TRPM3: variants seen among roughly 807,000 people sequenced by gnomAD.
TRPM3 encodes the protein transient receptor potential cation channel subfamily M member 3, also known as long transient receptor potential channel 3.
Under a neutral mutation model 181.2 loss-of-function variants are expected in TRPM3, and 77 were observed. The ratio of observed to expected loss-of-function variants is 0.42; its 90% CI spans 0.35 to 0.51. The LOEUF (loss-of-function observed/expected upper bound fraction) is 0.51, where lower values mean the gene tolerates loss of function less well. Among genes scored for constraint, TRPM3 ranks in the 20% least tolerant of loss-of-function variants. The pLI is 0.01. For missense variants in TRPM3, 1,759 were observed against 2,196.7 expected (o/e 0.80, Z 3.98); for synonymous variants, 745 against 796.4 (o/e 0.94, Z 1.09).
chr9:71,325,650 G>A (rs985355532), intron 1 of TRPM3, among the ~76,000 whole-genome samples: 9 of 152,042 alleles, frequency 5.9e-5, no homozygotes, highest in Non-Finnish European at 8.8e-5. Flanking sequence ...AAGGAATGAA[G>A]GCAGTGATGC....
Position 70,603,389 on chromosome 9 carries a change from T to A in TRPM3, c.2749A>T (p.Ile917Phe). ...AGGGTGAAAATATAGGAGATTACGA[T>A]CCATTCCTGGGTGGACGGCCAGCGT... ...MERWPSTQEWIVISYIFTLGI... is the reference protein window; with the variant it reads ...MERWPSTQEWFVISYIFTLGI... Residue 917 changes from isoleucine (I) to phenylalanine (F), a missense_variant, in exon 20 of 26, where the codon ATC becomes TTC. Ile to Phe is a conservative substitution (Grantham distance 21, BLOSUM62 0). Around this residue, in one of 8 missense-constraint regions of TRPM3, gnomAD observed 100 missense variants for 123.0 expected, o/e 0.81. Coordinates refer to ENST00000677713, the MANE Select transcript of TRPM3 (RefSeq NM_001366145.2). 6.2e-7 allele frequency: 1 copy of A among 1,614,106 alleles called. No individual in the cohort carries two copies. The highest frequency in any genetic ancestry group is 1.1e-5 in the South Asian group (1 of 91,068).
At position 70,612,067 on chromosome 9, in the gene TRPM3, C is replaced by T. The variant is rs967710357; in HGVS notation, c.2527-1318G>A. Among the ~76,000 whole-genome samples, 3 of 152,252 alleles carry T rather than the reference C, an allele frequency of 2.0e-5. No homozygotes were observed. The East Asian group carries it at 5.8e-4, about 29-fold the overall frequency. On this transcript the variant is annotated intron_variant, in intron 18 of 25. Transcript: ENST00000677713. ...AAGTACTCACTATAGGGTTGGCCTA[C>T]AAGTCAGGTAGCATCTGGCACTTAG... is the stretch of plus-strand genomic sequence containing the variant.
intron 1 of TRPM3, among the ~76,000 whole-genome samples, chr9:71,357,259 T>G (rs781638594): frequency 6.6e-6 from 1 of 152,212 alleles, no homozygotes; most frequent in African/African-American, 2.4e-5. Context: ...GTGTTATTTC[T>G]AAAGAAGCAA....
intron 1 of TRPM3, among the ~76,000 whole-genome samples, chr9:71,385,264 T>C (rs1347611641): frequency 2.6e-5 from 4 of 152,152 alleles, no homozygotes; most frequent in Non-Finnish European, 5.9e-5. Context: ...ACTAATTATT[T>C]CTGAAAAATA....
Position 71,143,396 on chromosome 9 carries a change from G to A in TRPM3, c.184-278885C>T, listed in dbSNP as rs142883980. ...GTTGTTCCTCTCTACGTGTCCATGT[G>A]TTTTCATCATTTAGCTCCCACTTAC... is the stretch of plus-strand genomic sequence containing the variant. On this transcript the variant is annotated intron_variant, in intron 1 of 24. Transcript: ENST00000357533. 5.9e-5 allele frequency among the ~76,000 whole-genome samples: 9 copies of A among 152,154 alleles called. No homozygotes were observed. The East Asian group carries it at 9.7e-4, about 16-fold the overall frequency.
At chr9:71,062,924 C>T (rs2061488194) in intron 1 of TRPM3, among the ~76,000 whole-genome samples, 1 of 152,048 alleles carries the variant, frequency 6.6e-6, no homozygotes, top group Non-Finnish European at 1.5e-5. Context: ...TAAAGAAATA[C>T]ATTTCTTTTC....
intron 1 of TRPM3, among the ~76,000 whole-genome samples, chr9:71,331,825 G>GGAA (rs1255059296): frequency 0.096 from 111 of 1,158 alleles, 3 homozygotes; most frequent in African/African-American, 0.26. Flanking sequence ...GAGAGGAGAA[G>GGAA]GAAGAGGAGA....
At chr9:71,118,980 T>C (rs1012812064) in intron 1 of TRPM3, among the ~76,000 whole-genome samples, 2 of 152,116 alleles carry the variant, frequency 1.3e-5, no homozygotes, top group Non-Finnish European at 2.9e-5. Context: ...ACATAGGAAC[T>C]AGCAAAGCAA....
intron 3 of TRPM3, among the ~76,000 whole-genome samples, chr9:70,859,222 C>A (rs1030614632): frequency 6.6e-6 from 1 of 152,126 alleles, no homozygotes; most frequent in Non-Finnish European, 1.5e-5. Context: ...TATAGCTGAC[C>A]TTGTTTAACC....
At chr9:70,695,179 G>A (rs28534504) in intron 8 of TRPM3, among the ~76,000 whole-genome samples, 3 of 152,022 alleles carry the variant, frequency 2.0e-5, no homozygotes, top group East Asian at 1.9e-4. Flanking sequence ...TGTGTACGGA[G>A]CATGGACTTT....
At chr9:71,147,936 C>T (rs1369250175) in intron 1 of TRPM3, among the ~76,000 whole-genome samples, 1 of 152,096 alleles carries the variant, frequency 6.6e-6, no homozygotes, top group Non-Finnish European at 1.5e-5. Flanking sequence ...TCTCTACCTT[C>T]ACAAAAATAT....
At chr9:70,952,746 G>A (rs1564832445) in intron 1 of TRPM3, among the ~76,000 whole-genome samples, 2 of 152,100 alleles carry the variant, frequency 1.3e-5, no homozygotes, top group Non-Finnish European at 2.9e-5. Context: ...AAATCTTGTG[G>A]GGGATTGTTG....
chr9:70,658,279 A>T (rs1196112804), intron 9 of TRPM3, among the ~76,000 whole-genome samples: 1 of 152,144 alleles, frequency 6.6e-6, no homozygotes, highest in African/African-American at 2.4e-5. Context: ...TTTTACAATG[A>T]CCTGTGATAT....
chr9:71,259,770 T>G (rs1197728385), intron 1 of TRPM3, among the ~76,000 whole-genome samples: 1 of 152,116 alleles, frequency 6.6e-6, no homozygotes, highest in Non-Finnish European at 1.5e-5. Flanking sequence ...GTTTAAGTTC[T>G]TGTAGATTCT....
chr9:70,862,225 T>C (rs17556165), intron 3 of TRPM3, among the ~76,000 whole-genome samples: 32,950 of 152,080 alleles, frequency 0.22, 3,638 homozygotes, highest in South Asian at 0.27. Flanking sequence ...TCATAACACA[T>C]GCTAGACAAA....
intron 1 of TRPM3, among the ~76,000 whole-genome samples, chr9:71,145,187 T>G (rs1290432066): frequency 6.6e-6 from 1 of 152,130 alleles, no homozygotes; most frequent in Non-Finnish European, 1.5e-5. Context: ...TCACATGCCC[T>G]TTAGTCTATT....
At chr9:71,324,953 G>A (rs1565462904) in intron 1 of TRPM3, among the ~76,000 whole-genome samples, 1 of 151,982 alleles carries the variant, frequency 6.6e-6, no homozygotes, top group Non-Finnish European at 1.5e-5. Context: ...GTGAGTGGGG[G>A]AGAGGAGGGA....
At chr9:71,069,844 G>A (rs2062488210) in intron 1 of TRPM3, among the ~76,000 whole-genome samples, 1 of 149,270 alleles carries the variant, frequency 6.7e-6, no homozygotes, top group African/African-American at 2.5e-5. Flanking sequence ...CTGACCTCAG[G>A]TGCTCCACCC....
intron 1 of TRPM3, among the ~76,000 whole-genome samples, chr9:71,334,918 C>T (rs2090449031): frequency 6.6e-6 from 1 of 151,950 alleles, no homozygotes; most frequent in African/African-American, 2.4e-5. Flanking sequence ...TTGGTTTATT[C>T]TCCATATACA....
Sources: gnomAD v4.1 joint callset for allele counts (sites outside exome capture counted in the v4.1 genomes callset) on GRCh38, gnomAD v4.1.1 for gene constraint, gnomAD v4.1.1 regional missense constraint, MANE v1.5 for transcripts, NCBI Gene and HGNC (gene_info 2026-07-23, HGNC 2026-07-21) for gene names.